The following RAPGEF6 variants were observed in gnomAD, a reference collection of about 807,000 sequenced individuals.
The protein encoded by RAPGEF6 is Rap guanine nucleotide exchange factor 6.
A neutral mutation model predicts 171.4 loss-of-function variants in RAPGEF6; 56 were observed. The ratio of observed to expected loss-of-function variants is 0.33; its 90% CI spans 0.26 to 0.41. The LOEUF (loss-of-function observed/expected upper bound fraction) is 0.41, where lower values mean the gene tolerates loss of function less well. Ranked by LOEUF, RAPGEF6 falls within the 10% of genes least tolerant of loss-of-function variation. The pLI is 1.00. For synonymous variants in RAPGEF6, 692 were observed against 650.1 expected, an observed-to-expected ratio of 1.06 and a Z score of -0.98; for missense variants, 1,674 against 1,921.4, an observed-to-expected ratio of 0.87 and a Z score of 2.41.
intron 4 of RAPGEF6, among the ~76,000 whole-genome samples, chr5:131,571,906 T>C (rs1163486840): frequency 6.6e-6 from 1 of 152,062 alleles, no homozygotes; most frequent in African/African-American, 2.4e-5. Flanking sequence ...TTTGTAACAT[T>C]CCTCCCCGCC....
At chr5:131,459,198 G>A (rs1753730982) in intron 19 of RAPGEF6, among the ~76,000 whole-genome samples, 1 of 152,086 alleles carries the variant, frequency 6.6e-6, no homozygotes, top group Non-Finnish European at 1.5e-5. Context: ...CATAATAGAT[G>A]GCATTGCATA....
rs1014696471 is a variant in RAPGEF6 at position 131,632,914 on chromosome 5, G to A, written c.69+2048C>T. Among the ~76,000 whole-genome samples the A allele has an allele frequency of 3.9e-5, 6 of 152,164 alleles. No homozygotes were observed. In the East Asian group the frequency reaches 5.8e-4, roughly 15 times the overall value. On this transcript the variant is annotated intron_variant, in intron 1 of 27. Coordinates refer to ENST00000509018, the MANE Select transcript of RAPGEF6 (RefSeq NM_016340.6). Reference sequence around the variant, plus strand: ...GTCAGGGCTACATTCTGTGTACTGTGGGCAGCTGTTTAGCATTCCCTTGAA... The same window carrying A: ...GTCAGGGCTACATTCTGTGTACTGTAGGCAGCTGTTTAGCATTCCCTTGAA...
chr5:131,585,043 G>A (rs1276269009), intron 4 of RAPGEF6, among the ~76,000 whole-genome samples: 1 of 152,060 alleles, frequency 6.6e-6, no homozygotes, highest in Non-Finnish European at 1.5e-5. Context: ...AAGCATAAGG[G>A]CATAAGGAAA....
chr5:131,508,243 C>A, intron 8 of RAPGEF6, 36 bp from the exon 9 acceptor site: 1 of 1,576,930 alleles, frequency 6.3e-7, no homozygotes, highest in East Asian at 2.3e-5. Context: ...TAAAGACCAT[C>A]GAGGACTATA....
At chr5:131,474,293 G>A (rs1310799741) in intron 16 of RAPGEF6, among the ~76,000 whole-genome samples, 1 of 152,048 alleles carries the variant, frequency 6.6e-6, no homozygotes, top group Admixed American at 6.6e-5. Context: ...GCGAAACCCC[G>A]TCTCTACTAA....
chr5:131,437,838 A>G (rs1752111082), intron 24 of RAPGEF6, among the ~76,000 whole-genome samples: 1 of 152,212 alleles, frequency 6.6e-6, no homozygotes, highest in African/African-American at 2.4e-5. Flanking sequence ...GAAAAGAGAC[A>G]TTCCAATTCA....
At chr5:131,561,516 TG>T (rs1761599253) in intron 5 of RAPGEF6, among the ~76,000 whole-genome samples, 3 of 151,678 alleles carry the variant, frequency 2.0e-5, no homozygotes, top group Non-Finnish European at 1.5e-5. Flanking sequence ...AAAAACTAGC[TG>T]GGAATGGTGC....
intron 17 of RAPGEF6, chr5:131,472,228 C>A (rs569661475): frequency 9.2e-6 from 3 of 326,938 alleles, no homozygotes; most frequent in South Asian, 7.5e-5. Context: ...CCCACCATCA[C>A]GTCTGGCTAA....
At chr5:131,430,770 C>T (rs780074557) in intron 26 of RAPGEF6, 89 bp downstream of exon 26, 10 of 1,526,656 alleles carry the variant, frequency 6.6e-6, no homozygotes, top group Middle Eastern at 3.4e-4. Context: ...TGAATTTTTG[C>T]GACGATAAAA....
At chr5:131,444,852 A>C (rs1752588818) in intron 22 of RAPGEF6, among the ~76,000 whole-genome samples, 1 of 152,222 alleles carries the variant, frequency 6.6e-6, no homozygotes, top group Admixed American at 6.5e-5. Flanking sequence ...AGGGCCAGAA[A>C]GCTTTAATAA....
intron 4 of RAPGEF6, among the ~76,000 whole-genome samples, chr5:131,584,926 G>C (rs1414312397): frequency 3.3e-5 from 5 of 152,170 alleles, no homozygotes; most frequent in Non-Finnish European, 7.3e-5. Flanking sequence ...GTACAGGTGG[G>C]CAGGAAGAAT....
Position 131,455,889 on chromosome 5 carries a change from A to G in RAPGEF6, c.2988T>C (p.Tyr996=). 6.2e-7 allele frequency: 1 copy of G among 1,613,922 alleles called. No individual in the cohort carries two copies. The highest frequency in any genetic ancestry group is 8.5e-7 in the Non-Finnish European group (1 of 1,179,802). ...TACTTTGACTACTAAGAATATTTCT[A>G]TACTTTGCCATGTTTCTAGATGGAT... ...IFDPSRNMAK[Y]RNILSSQSMQ... is the part of the protein sequence containing the mutation. The change falls in exon 20 of 28, where the codon TAT becomes TAC. Residue 996 remains tyrosine, a synonymous_variant. Transcript: ENST00000509018.
intron 17 of RAPGEF6, chr5:131,469,665 A>G (rs1754610682): frequency 1.7e-6 from 1 of 586,044 alleles, no homozygotes; most frequent in South Asian, 3.4e-5. Context: ...GCCAGTTAAT[A>G]CTGGCTACCT....
At chr5:131,512,785 G>T (rs1757822802) in intron 7 of RAPGEF6, among the ~76,000 whole-genome samples, 1 of 152,118 alleles carries the variant, frequency 6.6e-6, no homozygotes, top group Admixed American at 6.5e-5. Flanking sequence ...TCACGAATGG[G>T]ATTAGTATAT....
In RAPGEF6 at chr5:131,617,307, C is replaced by A. The variant is rs554333481; in HGVS notation, c.70-12614G>T. 9.6e-3 allele frequency among the ~76,000 whole-genome samples: 1,448 copies of A among 150,100 alleles called. 15 individuals are homozygous for A. Among genetic ancestry groups the A allele is most frequent in the African/African-American group, 9.7e-3 (389 of 40,072 alleles). On this transcript the variant is annotated intron_variant, in intron 1 of 27. Transcript: ENST00000509018. ...AAAAACAGCACCACACACACACACACAAAAAAAAACCCAATTTGGACTCTG... is the reference window on the plus strand; with the variant it reads ...AAAAACAGCACCACACACACACACAAAAAAAAAAACCCAATTTGGACTCTG...
At chr5:131,528,344 C>T (rs1468258) in intron 6 of RAPGEF6, among the ~76,000 whole-genome samples, 77,025 of 107,396 alleles carry the variant, frequency 0.72, 27,791 homozygotes, top group Middle Eastern at 0.79. Flanking sequence ...TATATACACA[C>T]ACACACACAT....
chr5:131,446,529 C>T lies in RAPGEF6; in HGVS notation c.3375G>A (p.Glu1125=), dbSNP rs752051901. 2 of 1,614,214 alleles carry T rather than the reference C, an allele frequency of 1.2e-6. No homozygotes were observed. Among genetic ancestry groups the T allele is most frequent in the Non-Finnish European group, 1.7e-6 (2 of 1,180,016 alleles). ...ACTGTAATGACATCATCTGGAACTT[C>T]TCCTCATCTGTCTCTACATCGAGAC... ...LSSLDVETDE[E]KFQMMSLQWE... is the part of the protein sequence containing the mutation. Residue 1125 remains glutamate (E), a synonymous_variant, in exon 22 of 28, where the codon GAG becomes GAA. Transcript: ENST00000509018.
intron 18 of RAPGEF6, among the ~76,000 whole-genome samples, chr5:131,462,494 C>T (rs1325936165): frequency 1.3e-5 from 2 of 152,140 alleles, no homozygotes; most frequent in African/African-American, 4.8e-5. Context: ...TGAATCAAGA[C>T]GGTTAAAAAT....
At chr5:131,454,803 A>G (rs1561477651) in intron 20 of RAPGEF6, among the ~76,000 whole-genome samples, 1 of 152,234 alleles carries the variant, frequency 6.6e-6, no homozygotes, top group East Asian at 1.9e-4. Context: ...GCAAAACTAG[A>G]AAGAAATTAA....
Sources: gnomAD v4.1 joint callset for allele counts (sites outside exome capture counted in the v4.1 genomes callset) on GRCh38, gnomAD v4.1.1 for gene constraint, MANE v1.5 for transcripts, NCBI Gene and HGNC (gene_info 2026-07-23, HGNC 2026-07-21) for gene names.